The following TMEM170B variants were observed in gnomAD, a reference collection of about 807,000 sequenced individuals.
TMEM170B encodes the protein transmembrane protein 170B.
Under a neutral mutation model 13.0 loss-of-function variants are expected in TMEM170B, and 6 were observed. That is an observed-to-expected ratio of 0.46 (90% CI 0.25 to 0.91). TMEM170B has a LOEUF of 0.91. TMEM170B is among the 40% of genes least tolerant of loss of function. The pLI is 0.17. For missense variants in TMEM170B, 138 were observed against 165.2 expected (o/e 0.84, Z 0.90); for synonymous variants, 61 against 64.9 (o/e 0.94, Z 0.29).
chr6:11,565,703 TTC>T lies in TMEM170B; in HGVS notation c.139_140del (p.Leu47ValfsTer18). 1 of 1,614,184 alleles carries T rather than the reference TTC, an allele frequency of 6.2e-7. No individual in the cohort carries two copies. Among genetic ancestry groups the T allele is most frequent in the Non-Finnish European group, 8.5e-7 (1 of 1,180,004 alleles). ...GGATCTTCCTCTGGGCTCTCTTCTCTTCTCTGTTTGTCCATGGTGCTGCAGGA... is the reference window on the plus strand; with the variant it reads ...GGATCTTCCTCTGGGCTCTCTTCTCTTCTGTTTGTCCATGGTGCTGCAGGA... Reference protein sequence around the residue: ...YWIFLWALFSSLFVHGAAGVL... With the variant: ...YWIFLWALFSXLFVHGAAGVL... On this transcript the variant is annotated frameshift_variant, in exon 2 of 3. Transcript: ENST00000379426. LOFTEE classifies it high-confidence loss of function.
chr6:11,571,740 C>A (rs1306432021), intron 2 of TMEM170B, among the ~76,000 whole-genome samples: 2 of 152,002 alleles, frequency 1.3e-5, no homozygotes, highest in African/African-American at 4.8e-5. Context: ...AACTAAAGAA[C>A]AAACTGGGGT....
chr6:11,544,323 C>G (rs1270390422), intron 1 of TMEM170B, among the ~76,000 whole-genome samples: 1 of 152,124 alleles, frequency 6.6e-6, no homozygotes, highest in Non-Finnish European at 1.5e-5. Flanking sequence ...GATGCTGAGT[C>G]AGTAAATAGC....
intron 1 of TMEM170B, among the ~76,000 whole-genome samples, chr6:11,550,639 T>G (rs961012377): frequency 2.6e-5 from 4 of 152,196 alleles, no homozygotes; most frequent in Non-Finnish European, 5.9e-5. Context: ...TTAATGTGCT[T>G]GGCATTGTTC....
At chr6:11,546,942 C>T (rs1433337907) in intron 1 of TMEM170B, among the ~76,000 whole-genome samples, 1 of 152,154 alleles carries the variant, frequency 6.6e-6, no homozygotes. Flanking sequence ...TAGGCACAGT[C>T]AGAGATTAAC....
chr6:11,562,033 A>C (rs1302636622), intron 1 of TMEM170B, among the ~76,000 whole-genome samples: 1 of 152,180 alleles, frequency 6.6e-6, no homozygotes, highest in African/African-American at 2.4e-5. Context: ...TAATTGTATT[A>C]TAAGAACTTT....
chr6:11,559,279 CT>C (rs540663401), intron 1 of TMEM170B, among the ~76,000 whole-genome samples: 329 of 151,686 alleles, frequency 2.2e-3, no homozygotes, highest in African/African-American at 7.4e-3. Context: ...CTGCTGCAGC[CT>C]TGACCTCCTG....
At chr6:11,550,317 G>A (rs1349098144) in intron 1 of TMEM170B, among the ~76,000 whole-genome samples, 1 of 151,910 alleles carries the variant, frequency 6.6e-6, no homozygotes, top group East Asian at 1.9e-4. Context: ...GATTATACAG[G>A]TGCCCACCAC....
At chr6:11,573,599 A>G (rs949450719) in intron 2 of TMEM170B, among the ~76,000 whole-genome samples, 31 of 152,316 alleles carry the variant, frequency 2.0e-4, no homozygotes, top group African/African-American at 5.5e-4. Flanking sequence ...GCCTGGCTCT[A>G]CAACCCATGC....
rs1759308085 is a variant in TMEM170B at position 11,538,250 on chromosome 6, A to G, written c.-28A>G. On this transcript the variant is annotated 5_prime_UTR_variant, in exon 1 of 3. Coordinates refer to ENST00000379426, the MANE Select transcript of TMEM170B (RefSeq NM_001100829.3). ...CGCCGCCGCCGCCCGGCACCCGAGG[A>G]GAGGGCGGCGGGCGCCCCTCGGGGA... is the stretch of plus-strand genomic sequence containing the variant. 2 of 1,252,920 alleles carry G rather than the reference A, an allele frequency of 1.6e-6. No individual in the cohort carries two copies. The highest frequency in any genetic ancestry group is 1.0e-6 in the Non-Finnish European group (1 of 985,552). The allele number at this position is 1,252,920 out of a possible 1,614,324, so 77.6% of individuals were successfully genotyped here. A position where few individuals can be genotyped will look rare whatever the true frequency, so the allele number is the denominator to read the frequency against.
chr6:11,570,118 A>G lies in TMEM170B; in HGVS notation c.268+4282A>G, dbSNP rs555139672. 1.8e-4 allele frequency among the ~76,000 whole-genome samples: 28 copies of G among 152,284 alleles called. No homozygotes were observed. The South Asian group carries it at 5.6e-3, about 30-fold the overall frequency. On this transcript the variant is annotated intron_variant, in intron 2 of 2. Coordinates refer to ENST00000379426, the MANE Select transcript of TMEM170B (RefSeq NM_001100829.3). The stretch of plus-strand genomic sequence containing the variant: ...AGAGGATAATTTGGGAAGAATTGCC[A>G]TATTATATCACCCAAGAACATGTAG...
intron 1 of TMEM170B, among the ~76,000 whole-genome samples, chr6:11,549,650 G>A (rs1384698919): frequency 2.0e-5 from 3 of 150,272 alleles, no homozygotes; most frequent in African/African-American, 4.9e-5. Flanking sequence ...GCGACAGAGC[G>A]AGACTCCGTC....
At position 11,579,611 on chromosome 6, in the gene TMEM170B, A is replaced by G. The variant is rs1561691848; in HGVS notation, c.*4050A>G. The G allele has an allele frequency of 1.3e-5, 2 of 152,178 alleles. No individual in the cohort carries two copies. Among genetic ancestry groups the G allele is most frequent in the Admixed American group, 1.3e-4 (2 of 15,280 alleles). The allele number at this position is 152,178 out of a possible 1,614,324, so 9.4% of individuals were successfully genotyped here. ...ATCTCCTTTTCACTTTTTCTTTTTAAAATCAGCAGATCTTTAAGAACCTTT... is the reference window on the plus strand; with the variant it reads ...ATCTCCTTTTCACTTTTTCTTTTTAGAATCAGCAGATCTTTAAGAACCTTT... On this transcript the variant is annotated 3_prime_UTR_variant, in exon 3 of 3. Transcript: ENST00000379426.
At chr6:11,550,712 TATTA>T (rs1482248915) in intron 1 of TMEM170B, among the ~76,000 whole-genome samples, 1 of 152,162 alleles carries the variant, frequency 6.6e-6, no homozygotes, top group Non-Finnish European at 1.5e-5. Context: ...TAGACACCAT[TATTA>T]ATTCAGTTTG....
At chr6:11,538,642 C>A (rs534312063) in intron 1 of TMEM170B, among the ~76,000 whole-genome samples, 1 of 152,352 alleles carries the variant, frequency 6.6e-6, no homozygotes, top group East Asian at 1.9e-4. Context: ...GGTGGCGGCC[C>A]GGCCTCTGTA....
At chr6:11,556,155 CAAAAAAA>C (rs1158366059) in intron 1 of TMEM170B, among the ~76,000 whole-genome samples, 6 of 198 alleles carry the variant, frequency 0.03, 1 homozygote, top group African/African-American at 0.032. Flanking sequence ...GACTCCGTCT[CAAAAAAA>C]AAAAAAAAAA....
Position 11,579,376 on chromosome 6 carries a change from G to C in TMEM170B, c.*3815G>C, listed in dbSNP as rs186068881. The C allele has an allele frequency of 6.6e-6, 1 of 152,296 alleles. No homozygotes were observed. Among genetic ancestry groups the C allele is most frequent in the Admixed American group, 6.5e-5 (1 of 15,306 alleles). The allele number at this position is 152,296 out of a possible 1,614,324, so 9.4% of individuals were successfully genotyped here. A position where few individuals can be genotyped will look rare whatever the true frequency, so the allele number is the denominator to read the frequency against. Reference sequence around the variant, plus strand: ...CTCATGTAGTTATTGTGAGGATTACGTGAGATTGTTTATGAATGGCAAAGC... The same window carrying C: ...CTCATGTAGTTATTGTGAGGATTACCTGAGATTGTTTATGAATGGCAAAGC... On this transcript the variant is annotated 3_prime_UTR_variant, in exon 3 of 3. Coordinates refer to ENST00000379426, the MANE Select transcript of TMEM170B (RefSeq NM_001100829.3).
chr6:11,554,276 A>G (rs1759560773), intron 1 of TMEM170B, among the ~76,000 whole-genome samples: 1 of 152,060 alleles, frequency 6.6e-6, no homozygotes, highest in Non-Finnish European at 1.5e-5. Flanking sequence ...ACAAACATGA[A>G]TCAAAAAATG....
rs1470544090 is a variant in TMEM170B, at chr6:11,583,309, T to C, written c.*7748T>C. On this transcript the variant is annotated 3_prime_UTR_variant, in exon 3 of 3. Transcript: ENST00000379426. ...CATTCAGTGTCTAATCACAGGACCA[T>C]TTCTGAGGTCCACATGTGGCTCTCC... is the stretch of plus-strand genomic sequence containing the variant. 1 of 152,196 alleles carries C rather than the reference T, an allele frequency of 6.6e-6. No individual in the cohort carries two copies. The highest frequency in any genetic ancestry group is 1.5e-5 in the Non-Finnish European group (1 of 68,036). 9.4% of individuals were successfully genotyped at this position (152,196 alleles called of 1,614,324 possible).
In TMEM170B at chr6:11,575,371, A is replaced by G; in HGVS notation, c.269-60A>G. On this transcript the variant is annotated intron_variant, in intron 2 of 2. Transcript: ENST00000379426. This position sits in a 1 kb window ranked among gnomAD's most constrained non-coding sequence, Gnocchi z 4.1. The stretch of plus-strand genomic sequence containing the variant: ...ATGAAAAGAGCTCTTAAGGTGCAGC[A>G]TGCAGTGTGTTATAAAACGAGTGAC... The G allele has an allele frequency of 6.3e-7, 1 of 1,598,924 alleles. No homozygotes were observed. The highest frequency in any genetic ancestry group is 8.6e-7 in the Non-Finnish European group (1 of 1,168,008).
Sources: allele counts gnomAD v4.1 joint callset (sites outside exome capture counted in the v4.1 genomes callset), GRCh38; gene constraint gnomAD v4.1.1; non-coding constraint Gnocchi (gnomAD v3.1); transcripts MANE v1.5; gene names NCBI Gene and HGNC (gene_info 2026-07-23, HGNC 2026-07-21).